The following KLHL7 variants were observed in gnomAD, a reference collection of about 807,000 sequenced individuals.
The protein encoded by KLHL7 is kelch-like protein 7.
Under a neutral mutation model 67.4 loss-of-function variants are expected in KLHL7, and 44 were observed. The observed-to-expected ratio is 0.65, with a 90% confidence interval of 0.51 to 0.84. The LOEUF is 0.84. Ranked by LOEUF, KLHL7 falls within the 40% of genes least tolerant of loss-of-function variation. The probability of loss-of-function intolerance (pLI) is 0.00; values close to 1 mark genes in which losing one functional copy is unlikely to be tolerated. For synonymous variants in KLHL7, 252 were observed against 243.3 expected (o/e 1.04, Z -0.33); for missense variants, 362 against 718.1 (o/e 0.50, Z 5.67).
At chr7:23,114,895 A>G (rs1209533360) in intron 1 of KLHL7, among the ~76,000 whole-genome samples, 2 of 152,236 alleles carry the variant, frequency 1.3e-5, no homozygotes, top group East Asian at 1.9e-4. Context: ...CTGTATTAGC[A>G]ACACAGAATC....
intron 4 of KLHL7, among the ~76,000 whole-genome samples, chr7:23,135,220 T>C (rs1039176877): frequency 1.3e-5 from 2 of 152,234 alleles, no homozygotes; most frequent in Non-Finnish European, 2.9e-5. Flanking sequence ...CTGTATAATT[T>C]CCATGTGTTT....
intron 5 of KLHL7, among the ~76,000 whole-genome samples, chr7:23,143,005 T>C (rs754563406): frequency 1.3e-5 from 2 of 152,182 alleles, no homozygotes; most frequent in Non-Finnish European, 2.9e-5. Context: ...TGGAAACTCT[T>C]TGTGCTATCT....
intron 4 of KLHL7, 86 bp downstream of exon 4, chr7:23,125,258 T>TGGCTCACGCCTGTA: frequency 7.3e-7 from 1 of 1,370,162 alleles, no homozygotes; most frequent in Non-Finnish European, 1.0e-6. Context: ...TGATTTTAAG[T>TGGCTCACGCCTGTA]ATCCGCATTT....
At chr7:23,140,602 A>G (rs746925538) in intron 4 of KLHL7, 167 bp from the exon 5 acceptor site, 12 of 717,666 alleles carry the variant, frequency 1.7e-5, no homozygotes, top group African/African-American at 3.5e-5. Flanking sequence ...GTCTTTTATA[A>G]GACAGTATAG....
At chr7:23,112,387 G>C (rs1782911114) in intron 1 of KLHL7, among the ~76,000 whole-genome samples, 1 of 152,214 alleles carries the variant, frequency 6.6e-6, no homozygotes, top group East Asian at 1.9e-4. Context: ...CTGGAAAGTT[G>C]TGGGTTAGAT....
At chr7:23,127,805 G>A (rs550801993) in intron 4 of KLHL7, among the ~76,000 whole-genome samples, 3 of 152,030 alleles carry the variant, frequency 2.0e-5, no homozygotes, top group South Asian at 2.1e-4. Flanking sequence ...ACCGGGAGGC[G>A]GAGGTTGCAG....
chr7:23,125,041 T>C lies in KLHL7; in HGVS notation c.318-7T>C, dbSNP rs886062217. 6.8e-6 allele frequency: 11 copies of C among 1,610,138 alleles called. No individual in the cohort carries two copies. The highest frequency in any genetic ancestry group is 3.3e-4 in the Middle Eastern group (2 of 6,052). On this transcript the variant is annotated splice_region_variant and splice_polypyrimidine_tract_variant and intron_variant, in intron 3 of 10. Coordinates refer to ENST00000339077, the MANE Select transcript of KLHL7 (RefSeq NM_001031710.3). Reference sequence around the variant, plus strand: ...GGTAACTAATATTCCCTCTAACTTATTTGCAGAATTTCCGTGAATAGCAAC... The same window carrying C: ...GGTAACTAATATTCCCTCTAACTTACTTGCAGAATTTCCGTGAATAGCAAC...
At chr7:23,140,317 G>T (rs903571178) in intron 4 of KLHL7, among the ~76,000 whole-genome samples, 4 of 152,222 alleles carry the variant, frequency 2.6e-5, no homozygotes, top group African/African-American at 7.2e-5. Flanking sequence ...CACTTTGGGA[G>T]GCCAGGGTGG....
chr7:23,152,135 A>G lies in KLHL7; in HGVS notation c.862A>G (p.Arg288Gly). ...EELVDGTRPR[R>G]KKHDYRIALF... ...ACTTGTAGATGGCACAAGACCTAGAAGAAAGAAACATGACTACCGCATAGC... is the reference window on the plus strand; with the variant it reads ...ACTTGTAGATGGCACAAGACCTAGAGGAAAGAAACATGACTACCGCATAGC... Residue 288 changes from arginine (R) to glycine (G), a missense_variant, in exon 7 of 11, where the codon AGA (arginine) becomes GGA (glycine). This residue lies in a region of KLHL7 where 155 missense variants were observed against 280.8 expected (regional missense o/e 0.55). Transcript: ENST00000339077. 1 of 1,613,964 alleles carries G rather than the reference A, an allele frequency of 6.2e-7. No homozygotes were observed. The highest frequency in any genetic ancestry group is 8.5e-7 in the Non-Finnish European group (1 of 1,179,842).
intron 4 of KLHL7, among the ~76,000 whole-genome samples, chr7:23,130,145 G>C (rs1356556864): frequency 6.6e-6 from 1 of 152,142 alleles, no homozygotes; most frequent in Non-Finnish European, 1.5e-5. Context: ...ACATCCGTTA[G>C]AGCAAAATTA....
intron 1 of KLHL7, among the ~76,000 whole-genome samples, chr7:23,116,118 C>T (rs1245911335): frequency 6.6e-6 from 1 of 152,174 alleles, no homozygotes; most frequent in Non-Finnish European, 1.5e-5. Context: ...GCCTTGCATT[C>T]CTTACAATTC....
intron 7 of KLHL7, among the ~76,000 whole-genome samples, chr7:23,157,172 A>C (rs1784732352): frequency 6.6e-6 from 1 of 152,222 alleles, no homozygotes; most frequent in African/African-American, 2.4e-5. Context: ...CATCACAAAA[A>C]ATTGAGAGTT....
In KLHL7 at chr7:23,175,155, T is replaced by C. The variant is rs766218739; in HGVS notation, c.*857T>C. On this transcript the variant is annotated 3_prime_UTR_variant, in exon 11 of 11. Coordinates refer to ENST00000339077, the MANE Select transcript of KLHL7 (RefSeq NM_001031710.3). ...TACAATATCAGTGTTGACTTTGAAC[T>C]TCTTTAACGAGATCATGAATTCTTT... 6.2e-5 allele frequency: 28 copies of C among 453,996 alleles called. No homozygotes were observed. Among genetic ancestry groups the C allele is most frequent in the Non-Finnish European group, 9.7e-5 (22 of 226,788 alleles). 28.1% of individuals were successfully genotyped at this position (453,996 alleles called of 1,614,324 possible). A position where few individuals can be genotyped will look rare whatever the true frequency, so the allele number is the denominator to read the frequency against.
chr7:23,127,930 A>G (rs543693474), intron 4 of KLHL7, among the ~76,000 whole-genome samples: 1 of 151,934 alleles, frequency 6.6e-6, no homozygotes. Flanking sequence ...AACAGCCAAA[A>G]TGAATGGCTC....
At chr7:23,107,803 G>A (rs1042710446) in intron 1 of KLHL7, among the ~76,000 whole-genome samples, 1 of 152,228 alleles carries the variant, frequency 6.6e-6, no homozygotes, top group African/African-American at 2.4e-5. Flanking sequence ...GGTTTGGCAT[G>A]TGATTCAAAC....
At chr7:23,125,343 A>C in intron 4 of KLHL7, 171 bp downstream of exon 4, 1 of 632,372 alleles carries the variant, frequency 1.6e-6, no homozygotes, top group South Asian at 2.0e-5. Flanking sequence ...ATGCATATTA[A>C]CCTGGGCAGC....
Position 23,168,055 on chromosome 7 carries a change from A to G in KLHL7, c.1379+18A>G, listed in dbSNP as rs376374300. On this transcript the variant is annotated intron_variant, in intron 9 of 10. Coordinates refer to ENST00000339077, the MANE Select transcript of KLHL7 (RefSeq NM_001031710.3). ...ACAGAAACGTATGTATCTATTTAAA[A>G]TTTATTTTACAGTTAACTGTATTCT... The G allele has an allele frequency of 6.2e-7, 1 of 1,606,698 alleles. No homozygotes were observed. Among genetic ancestry groups the G allele is most frequent in the Admixed American group, 1.7e-5 (1 of 59,992 alleles).
At chr7:23,146,661 T>C (rs561217647) in intron 6 of KLHL7, among the ~76,000 whole-genome samples, 6 of 118,138 alleles carry the variant, frequency 5.1e-5, no homozygotes, top group African/African-American at 2.0e-4. Context: ...CTTCTTCTTC[T>C]TCTTCTTTTT....
intron 6 of KLHL7, among the ~76,000 whole-genome samples, chr7:23,148,551 C>CTT (rs1784435361): frequency 6.6e-6 from 1 of 152,126 alleles, no homozygotes; most frequent in Non-Finnish European, 1.5e-5. Context: ...AAGAAGATGC[C>CTT]TTTACATTAG....
Sources: gnomAD v4.1 joint callset for allele counts (sites outside exome capture counted in the v4.1 genomes callset) on GRCh38, gnomAD v4.1.1 for gene constraint, gnomAD v4.1.1 regional missense constraint, MANE v1.5 for transcripts, NCBI Gene and HGNC (gene_info 2026-07-23, HGNC 2026-07-21) for gene names.